Variants in ADAMTSL1 observed in about 807,000 individuals in gnomAD.
ADAMTSL1 encodes the protein ADAMTS like 1, also known as ADAMTS-like protein 1.
In ADAMTSL1, 126 loss-of-function variants were observed where a neutral mutation model predicts 201.8. The observed-to-expected ratio is 0.62, with a 90% confidence interval of 0.54 to 0.72. The LOEUF is 0.72. Ranked by LOEUF, ADAMTSL1 falls within the 30% of genes least tolerant of loss-of-function variation. The probability of loss-of-function intolerance (pLI) is 0.00; values close to 1 mark genes in which losing one functional copy is unlikely to be tolerated. For missense variants in ADAMTSL1, 2,679 were observed against 2,277.8 expected (o/e 1.18, Z -3.59); for synonymous variants, 1,121 against 903.4 (o/e 1.24, Z -4.32).
chr9:18,149,526 TCA>T (rs1826814329), intron 1 of ADAMTSL1, among the ~76,000 whole-genome samples: 1 of 151,980 alleles, frequency 6.6e-6, no homozygotes, highest in Admixed American at 6.6e-5. Context: ...GAGCACAACA[TCA>T]CATCACCAGG....
intron 1 of ADAMTSL1, among the ~76,000 whole-genome samples, chr9:17,977,469 T>G (rs1358372711): frequency 6.6e-6 from 1 of 152,150 alleles, no homozygotes; most frequent in East Asian, 1.9e-4. Context: ...TTCAATCTCC[T>G]TACTCATTAT....
chr9:18,343,592 A>C (rs1164419370), intron 2 of ADAMTSL1, among the ~76,000 whole-genome samples: 1 of 152,258 alleles, frequency 6.6e-6, no homozygotes. Context: ...TTAATTCTAA[A>C]CCCTCTTTTA....
intron 4 of ADAMTSL1, among the ~76,000 whole-genome samples, chr9:18,576,188 G>T (rs1288441687): frequency 1.3e-5 from 2 of 152,000 alleles, no homozygotes; most frequent in Admixed American, 1.3e-4. Context: ...ATAATGACTG[G>T]TTATTATTAT....
intron 1 of ADAMTSL1, among the ~76,000 whole-genome samples, chr9:18,064,954 ATTTTTTTTTTTTTTTT>A (rs563021690): frequency 2.6e-4 from 18 of 69,014 alleles, no homozygotes; most frequent in South Asian, 7.6e-4. Context: ...TTTGCTAAAG[ATTTTTTTTTTTTTTTT>A]TTTTTTTTTT....
chr9:18,118,671 A>G (rs936646148), intron 1 of ADAMTSL1, among the ~76,000 whole-genome samples: 2 of 152,184 alleles, frequency 1.3e-5, no homozygotes, highest in African/African-American at 4.8e-5. Flanking sequence ...AGATGGGACA[A>G]TTTTATCCTT....
At chr9:18,842,015 G>A (rs1055563118) in intron 23 of ADAMTSL1, among the ~76,000 whole-genome samples, 31 of 151,146 alleles carry the variant, frequency 2.1e-4, no homozygotes, top group African/African-American at 7.3e-4. Context: ...TTTTTTGAAG[G>A]GTTTTTTGTG....
At chr9:18,639,458 T>C (rs749512450) in intron 7 of ADAMTSL1, 47 bp downstream of exon 7, 6 of 1,585,254 alleles carry the variant, frequency 3.8e-6, no homozygotes, top group Non-Finnish European at 5.2e-6. Context: ...TCCCAAATGA[T>C]GTTACTTATA....
chr9:18,503,223 C>A (rs1483628473), intron 1 of ADAMTSL1, among the ~76,000 whole-genome samples: 1 of 151,666 alleles, frequency 6.6e-6, no homozygotes, highest in African/African-American at 2.4e-5. Flanking sequence ...CTCCCAGTGC[C>A]CCCCATTCTA....
intron 16 of ADAMTSL1, among the ~76,000 whole-genome samples, chr9:18,758,327 C>A (rs556813718): frequency 1.3e-5 from 2 of 152,340 alleles, no homozygotes; most frequent in East Asian, 3.9e-4. Context: ...TATTTGTTGC[C>A]TCTATCCAGG....
At chr9:18,718,641 C>T (rs538868554) in intron 14 of ADAMTSL1, 3 of 359,386 alleles carry the variant, frequency 8.3e-6, no homozygotes, top group East Asian at 1.4e-4. Flanking sequence ...CCGCTGCCGC[C>T]GCCGCTCCAG....
At chr9:18,442,384 T>C (rs1047816370) in intron 2 of ADAMTSL1, among the ~76,000 whole-genome samples, 5 of 152,212 alleles carry the variant, frequency 3.3e-5, no homozygotes, top group African/African-American at 1.2e-4. Context: ...CAGGTGTTTA[T>C]TAAGAGGATT....
chr9:18,142,942 A>G (rs879861742), intron 1 of ADAMTSL1, among the ~76,000 whole-genome samples: 6 of 152,134 alleles, frequency 3.9e-5, no homozygotes, highest in South Asian at 2.1e-4. Flanking sequence ...TACTTTTGGT[A>G]TGGTTTTGAA....
At chr9:18,372,227 C>A (rs1192058394) in intron 2 of ADAMTSL1, among the ~76,000 whole-genome samples, 1 of 152,104 alleles carries the variant, frequency 6.6e-6, no homozygotes, top group Non-Finnish European at 1.5e-5. Flanking sequence ...TTAGAAAATG[C>A]AGCTCTCAGG....
At chr9:18,255,401 C>G (rs191472675) in intron 2 of ADAMTSL1, among the ~76,000 whole-genome samples, 6 of 152,114 alleles carry the variant, frequency 3.9e-5, no homozygotes, top group Admixed American at 3.9e-4. Flanking sequence ...AGACGAAACT[C>G]TCAGCAGGTT....
intron 2 of ADAMTSL1, among the ~76,000 whole-genome samples, chr9:18,448,272 G>A (rs1042581838): frequency 6.6e-5 from 10 of 152,162 alleles, no homozygotes; most frequent in Non-Finnish European, 1.3e-4. Context: ...AGGTTCTGCT[G>A]CCAGCCAGCC....
chr9:18,038,132 A>T (rs563353200), intron 1 of ADAMTSL1, among the ~76,000 whole-genome samples: 2 of 152,298 alleles, frequency 1.3e-5, no homozygotes, highest in South Asian at 2.1e-4. Flanking sequence ...GCCACCAATT[A>T]TGTGTGTCTT....
intron 23 of ADAMTSL1, 119 bp downstream of exon 23, chr9:18,830,096 T>G: frequency 7.6e-7 from 1 of 1,310,758 alleles, no homozygotes; most frequent in Non-Finnish European, 1.0e-6. Flanking sequence ...AGGGAATCAC[T>G]AAATTGCCTA....
At chr9:18,314,471 G>A (rs1180518573) in intron 2 of ADAMTSL1, among the ~76,000 whole-genome samples, 8 of 151,974 alleles carry the variant, frequency 5.3e-5, no homozygotes, top group Non-Finnish European at 8.8e-5. Flanking sequence ...ATACTTTCGC[G>A]GTGAGTGTTA....
intron 1 of ADAMTSL1, among the ~76,000 whole-genome samples, chr9:17,920,986 C>G (rs146819368): frequency 6.6e-5 from 10 of 152,256 alleles, no homozygotes; most frequent in Non-Finnish European, 8.8e-5. Context: ...ATGCTAGGTT[C>G]TTTGTGGGCT....
Sources: gnomAD v4.1 joint callset for allele counts (sites outside exome capture counted in the v4.1 genomes callset) on GRCh38, gnomAD v4.1.1 for gene constraint, MANE v1.5 for transcripts, NCBI Gene and HGNC (gene_info 2026-07-23, HGNC 2026-07-21) for gene names.